Variants in MSRA observed in about 807,000 individuals in gnomAD.
MSRA encodes the protein mitochondrial peptide methionine sulfoxide reductase.
A neutral mutation model predicts 31.3 loss-of-function variants in MSRA; 54 were observed. The ratio of observed to expected loss-of-function variants is 1.73; its 90% confidence interval spans 1.39 to 2.17. MSRA has a LOEUF of 2.17. MSRA is among the 30% of genes most tolerant of loss of function. The pLI is 0.00. For missense variants in MSRA, 507 were observed against 300.9 expected (o/e 1.69, Z -5.07); for synonymous variants, 169 against 116.5 (o/e 1.45, Z -2.90).
chr8:10,141,975 G>T (rs1254668587), intron 1 of MSRA, among the ~76,000 whole-genome samples: 2 of 152,024 alleles, frequency 1.3e-5, no homozygotes, highest in African/African-American at 4.8e-5. Context: ...TTGTTTGTTT[G>T]GAGATGGAGT....
intron 3 of MSRA, among the ~76,000 whole-genome samples, chr8:10,283,836 T>TATATATATATATATATATATACACAC (rs1261287031): frequency 5.6e-5 from 3 of 53,154 alleles, no homozygotes; most frequent in Non-Finnish European, 9.6e-5. Context: ...TATATATATA[T>TATATATATATATATATATATACACAC]ACACACACAC....
intron 1 of MSRA, among the ~76,000 whole-genome samples, chr8:10,124,260 G>A (rs1801335149): frequency 6.6e-6 from 1 of 152,182 alleles, no homozygotes; most frequent in South Asian, 2.1e-4. Flanking sequence ...GATAAATATG[G>A]TGACAGCTCC....
intron 1 of MSRA, among the ~76,000 whole-genome samples, chr8:10,071,584 C>A (rs770272780): frequency 6.6e-6 from 1 of 151,362 alleles, no homozygotes; most frequent in Non-Finnish European, 1.5e-5. Flanking sequence ...CTTTGCCTTG[C>A]GTTGATCCTG....
At chr8:10,292,188 G>A (rs1295965710) in intron 3 of MSRA, among the ~76,000 whole-genome samples, 1 of 152,232 alleles carries the variant, frequency 6.6e-6, no homozygotes, top group Non-Finnish European at 1.5e-5. Context: ...CAGTGTGCAT[G>A]TGGGATTCCA....
At chr8:10,324,832 G>T (rs897787918) in intron 5 of MSRA, among the ~76,000 whole-genome samples, 2 of 152,178 alleles carry the variant, frequency 1.3e-5, no homozygotes, top group Non-Finnish European at 2.9e-5. Context: ...GAAATGACTA[G>T]GCATTCGGGA....
chr8:10,248,177 A>G (rs1056959878), intron 3 of MSRA, among the ~76,000 whole-genome samples: 2 of 152,248 alleles, frequency 1.3e-5, no homozygotes, highest in African/African-American at 2.4e-5. Flanking sequence ...TCTGTACTCT[A>G]GTATCTGCTT....
At chr8:10,310,694 T>C (rs140312654) in intron 4 of MSRA, among the ~76,000 whole-genome samples, 3 of 152,210 alleles carry the variant, frequency 2.0e-5, no homozygotes, top group African/African-American at 7.2e-5. Flanking sequence ...TGAAGTGATT[T>C]GGCACAAGCC....
At chr8:10,228,246 G>T (rs1052948855) in intron 2 of MSRA, among the ~76,000 whole-genome samples, 1 of 152,160 alleles carries the variant, frequency 6.6e-6, no homozygotes, top group Admixed American at 6.5e-5. Context: ...TCCTTTTGTT[G>T]CCCTGGTCAG....
chr8:10,320,728 G>A (rs1395199424), intron 5 of MSRA, among the ~76,000 whole-genome samples: 1 of 152,176 alleles, frequency 6.6e-6, no homozygotes, highest in Non-Finnish European at 1.5e-5. Flanking sequence ...GGTGTCGGCA[G>A]GGCTGGTTCC....
chr8:10,100,380 G>A (rs1356741688), intron 1 of MSRA, among the ~76,000 whole-genome samples: 1 of 152,164 alleles, frequency 6.6e-6, no homozygotes. Context: ...GCCTTGATCT[G>A]CTGCAGGAAG....
At chr8:10,207,059 A>ATTTTGTGTTTTCC (rs1809053790) in intron 1 of MSRA, among the ~76,000 whole-genome samples, 1 of 152,166 alleles carries the variant, frequency 6.6e-6, no homozygotes, top group Non-Finnish European at 1.5e-5. Context: ...TCCTATTCAA[A>ATTTTGTGTTTTCC]ACCTGCTGAG....
chr8:10,275,893 G>A (rs1005528445), intron 3 of MSRA, among the ~76,000 whole-genome samples: 12 of 152,194 alleles, frequency 7.9e-5, no homozygotes, highest in African/African-American at 2.9e-4. Flanking sequence ...GAACTCGTTT[G>A]TTTTTAACCT....
intron 1 of MSRA, among the ~76,000 whole-genome samples, chr8:10,072,205 C>T (rs1797770097): frequency 6.6e-6 from 1 of 152,086 alleles, no homozygotes; most frequent in African/African-American, 2.4e-5. Context: ...GTGATGAGGG[C>T]TCTTCATCTG....
At chr8:10,201,761 C>T (rs1808522417) in intron 1 of MSRA, among the ~76,000 whole-genome samples, 2 of 152,226 alleles carry the variant, frequency 1.3e-5, no homozygotes, top group South Asian at 4.1e-4. Context: ...GACTTTGACC[C>T]AGTCTTGGTC....
intron 1 of MSRA, among the ~76,000 whole-genome samples, chr8:10,190,888 C>A (rs1396804846): frequency 6.6e-6 from 1 of 152,058 alleles, no homozygotes; most frequent in African/African-American, 2.4e-5. Context: ...TAACTAAAAT[C>A]TAAAATGAGG....
intron 1 of MSRA, among the ~76,000 whole-genome samples, chr8:10,096,964 A>G (rs2128930338): frequency 6.6e-6 from 1 of 152,276 alleles, no homozygotes; most frequent in Non-Finnish European, 1.5e-5. Context: ...TCACATAAGT[A>G]CTCATCATTT....
rs144095217 is a variant in MSRA at position 10,293,280 on chromosome 8, C to T, written c.332-8254C>T. On this transcript the variant is annotated intron_variant, in intron 3 of 5. Transcript: ENST00000317173. ...AAGCAGCTCCCATGGTGGCCAGGTG[C>T]GTGGGTAAGCTCATGAGCCACTTTG... is the stretch of plus-strand genomic sequence containing the variant. Among the ~76,000 whole-genome samples the T allele has an allele frequency of 2.3e-3, 346 of 152,200 alleles. 2 individuals are homozygous for T. The highest frequency in any genetic ancestry group is 6.8e-3 in the Middle Eastern group (2 of 294).
intron 3 of MSRA, among the ~76,000 whole-genome samples, chr8:10,260,048 G>A (rs1304843894): frequency 1.3e-5 from 2 of 152,252 alleles, no homozygotes; most frequent in Non-Finnish European, 2.9e-5. Context: ...CCGGGAAAGA[G>A]AAAACAACCA....
At chr8:10,371,661 G>A (rs990360616) in intron 5 of MSRA, among the ~76,000 whole-genome samples, 2 of 152,152 alleles carry the variant, frequency 1.3e-5, no homozygotes, top group African/African-American at 4.8e-5. Context: ...CCTACCGCCT[G>A]TTAGCTACCA....
Sources: gnomAD v4.1 joint callset for allele counts (sites outside exome capture counted in the v4.1 genomes callset) on GRCh38, gnomAD v4.1.1 for gene constraint, MANE v1.5 for transcripts, NCBI Gene and HGNC (gene_info 2026-07-23, HGNC 2026-07-21) for gene names.